ARID4B: variants seen among roughly 807,000 people sequenced by gnomAD.
The protein encoded by ARID4B is AT-rich interaction domain 4B, also known as AT-rich interactive domain-containing protein 4B.
In ARID4B, 26 loss-of-function variants were observed where a neutral mutation model predicts 147.5. That is an observed-to-expected ratio of 0.18 (90% CI 0.13 to 0.24). The LOEUF (loss-of-function observed/expected upper bound fraction) is 0.24, where lower values mean the gene tolerates loss of function less well. ARID4B is among the 10% of genes least tolerant of loss of function. The probability of loss-of-function intolerance (pLI) is 1.00; values close to 1 mark genes in which losing one functional copy is unlikely to be tolerated. For missense variants in ARID4B, 1,179 were observed against 1,511.5 expected, an observed-to-expected ratio of 0.78 and a Z score of 3.65; for synonymous variants, 512 against 507.9, an observed-to-expected ratio of 1.01 and a Z score of -0.11.
At chr1:235,201,487 A>G (rs1665915780) in intron 17 of ARID4B, among the ~76,000 whole-genome samples, 1 of 152,016 alleles carries the variant, frequency 6.6e-6, no homozygotes, top group African/African-American at 2.4e-5. Flanking sequence ...CCACACCTGG[A>G]TAATTTTTTT....
At chr1:235,310,953 A>T (rs1191741774) in intron 2 of ARID4B, among the ~76,000 whole-genome samples, 2 of 152,118 alleles carry the variant, frequency 1.3e-5, no homozygotes, top group African/African-American at 4.8e-5. Context: ...TTACAGGTAT[A>T]AGCCACCGCA....
intron 2 of ARID4B, among the ~76,000 whole-genome samples, chr1:235,296,848 G>GGAAGGGA (rs1672773637): frequency 9.8e-5 from 1 of 10,192 alleles, no homozygotes; most frequent in Non-Finnish European, 2.6e-4. Flanking sequence ...GGAGGAAGGA[G>GGAAGGGA]GGAGGGAAGG....
At chr1:235,234,622 G>GCA (rs35818300) in intron 8 of ARID4B, 130 bp from the exon 9 acceptor site, 45 of 559,560 alleles carry the variant, frequency 8.0e-5, no homozygotes, top group East Asian at 1.8e-4. Flanking sequence ...GGGTAAACAG[G>GCA]CACACACACA....
In ARID4B at chr1:235,246,428, A is replaced by G; in HGVS notation, c.438T>C (p.Ser146=). 1 of 1,604,828 alleles carries G rather than the reference A, an allele frequency of 6.2e-7. No homozygotes were observed. Among genetic ancestry groups the G allele is most frequent in the Non-Finnish European group, 8.5e-7 (1 of 1,171,484 alleles). Residue 146 remains serine (S), a synonymous_variant, in exon 7 of 24, where the codon TCT becomes TCC. Coordinates refer to ENST00000264183, the MANE Select transcript of ARID4B (RefSeq NM_016374.6). The part of the protein sequence containing the change: ...IGKKTNRGRR[S]NHIPEEESSS... ...CATGAAAATGGACTTACATATGATTAGATCTTCTTCCTCTATTTGTTTTCT... is the reference window on the plus strand; with the variant it reads ...CATGAAAATGGACTTACATATGATTGGATCTTCTTCCTCTATTTGTTTTCT...
chr1:235,267,656 C>A (rs1338794399), intron 2 of ARID4B, among the ~76,000 whole-genome samples: 2 of 152,078 alleles, frequency 1.3e-5, no homozygotes, highest in Non-Finnish European at 2.9e-5. Flanking sequence ...CCCGGTGAAA[C>A]CCCGTCTCTA....
At chr1:235,173,707 T>A (rs1322016813) in intron 22 of ARID4B, among the ~76,000 whole-genome samples, 3 of 119,214 alleles carry the variant, frequency 2.5e-5, no homozygotes, top group Non-Finnish European at 4.9e-5. Flanking sequence ...AGTTCAAGAT[T>A]AGCCTGGGCA....
intron 17 of ARID4B, among the ~76,000 whole-genome samples, chr1:235,197,521 G>C (rs1046123358): frequency 6.6e-6 from 1 of 152,120 alleles, no homozygotes; most frequent in Non-Finnish European, 1.5e-5. Context: ...CCCATGCAAG[G>C]GGTTCTGTTT....
At chr1:235,297,811 AAATT>A (rs1672849661) in intron 2 of ARID4B, among the ~76,000 whole-genome samples, 1 of 152,244 alleles carries the variant, frequency 6.6e-6, no homozygotes, top group Non-Finnish European at 1.5e-5. Flanking sequence ...AGAATGTGGG[AAATT>A]CTACAGGTTA....
intron 2 of ARID4B, among the ~76,000 whole-genome samples, chr1:235,263,058 C>T (rs1170189027): frequency 2.0e-5 from 3 of 152,080 alleles, no homozygotes; most frequent in Admixed American, 2.0e-4. Flanking sequence ...TATAAAAACC[C>T]AAATGGCAGG....
intron 2 of ARID4B, among the ~76,000 whole-genome samples, chr1:235,286,456 G>A (rs1183416719): frequency 6.6e-6 from 1 of 152,182 alleles, no homozygotes; most frequent in Non-Finnish European, 1.5e-5. Flanking sequence ...AAACAGTTAA[G>A]TTACCATATG....
rs114395215 is a variant in ARID4B at position 235,244,286 on chromosome 1, G to A, written c.446+2134C>T. On this transcript the variant is annotated intron_variant, in intron 7 of 23. Coordinates refer to ENST00000264183, the MANE Select transcript of ARID4B (RefSeq NM_016374.6). ...ACAGCAAATAGACTGCTTTCCTATT[G>A]TAGCAGTTGCACATAAACTTTTGCC... Among the ~76,000 whole-genome samples, 1,102 of 152,218 alleles carry A rather than the reference G, an allele frequency of 7.2e-3. 7 individuals carry two copies. Among genetic ancestry groups the A allele is most frequent in the Non-Finnish European group, 0.011 (762 of 67,994 alleles).
At chr1:235,309,970 T>G (rs988376713) in intron 2 of ARID4B, among the ~76,000 whole-genome samples, 2 of 152,118 alleles carry the variant, frequency 1.3e-5, no homozygotes, top group Non-Finnish European at 2.9e-5. Context: ...AAACAGATGC[T>G]TGAAGGCAGC....
rs771932156 is a variant in ARID4B at position 235,223,211 on chromosome 1, G to A, written c.1020C>T (p.Leu340=). ...RPVLGYRNLN[L]FKLFRLVHKL... ...TGTGTACAAGTCTGAATAACTTAAA[G>A]AGATTCAAATTTCGATATCCAAGTA... The change falls in exon 13 of 24, where the codon CTC becomes CTT. Residue 340 remains leucine (L), a synonymous_variant. Coordinates refer to ENST00000264183, the MANE Select transcript of ARID4B (RefSeq NM_016374.6). The A allele has an allele frequency of 3.8e-6, 6 of 1,593,538 alleles. No homozygotes were observed. Among genetic ancestry groups the A allele is most frequent in the Non-Finnish European group, 5.1e-6 (6 of 1,170,790 alleles).
chr1:235,298,455 TTATA>T (rs1050547774), intron 2 of ARID4B, among the ~76,000 whole-genome samples: 6 of 149,906 alleles, frequency 4.0e-5, no homozygotes, highest in African/African-American at 1.5e-4. Context: ...CCGTATTACA[TTATA>T]TATATCCATA....
At chr1:235,320,436 T>C (rs187524907) in intron 2 of ARID4B, among the ~76,000 whole-genome samples, 1 of 152,290 alleles carries the variant, frequency 6.6e-6, no homozygotes. Context: ...AATACTACTA[T>C]TTCTCCTCAC....
chr1:235,308,932 G>A (rs1485931492), intron 2 of ARID4B, among the ~76,000 whole-genome samples: 1 of 151,974 alleles, frequency 6.6e-6, no homozygotes, highest in African/African-American at 2.4e-5. Flanking sequence ...CTGCCTGGCC[G>A]CCCATCGTCT....
At chr1:235,269,689 T>G (rs540412563) in intron 2 of ARID4B, among the ~76,000 whole-genome samples, 1 of 152,184 alleles carries the variant, frequency 6.6e-6, no homozygotes. Context: ...TGTATATATC[T>G]CTCTCTGTGT....
intron 17 of ARID4B, among the ~76,000 whole-genome samples, chr1:235,208,393 A>C (rs1666466209): frequency 6.6e-6 from 1 of 152,176 alleles, no homozygotes; most frequent in Admixed American, 6.5e-5. Flanking sequence ...TTAAATAGAG[A>C]GCCTACTATT....
intron 2 of ARID4B, among the ~76,000 whole-genome samples, chr1:235,279,925 C>T (rs1671559830): frequency 6.6e-6 from 1 of 152,150 alleles, no homozygotes; most frequent in South Asian, 2.1e-4. Context: ...GTAACTCTAC[C>T]GGGAGAAATT....
Sources: gnomAD v4.1 joint callset for allele counts (sites outside exome capture counted in the v4.1 genomes callset) on GRCh38, gnomAD v4.1.1 for gene constraint, MANE v1.5 for transcripts, NCBI Gene and HGNC (gene_info 2026-07-23, HGNC 2026-07-21) for gene names.